MTUS2: variants seen among roughly 807,000 people sequenced by gnomAD.
MTUS2 encodes the protein microtubule associated scaffold protein 2, also known as microtubule-associated tumor suppressor candidate 2.
A neutral mutation model predicts 114.1 loss-of-function variants in MTUS2; 40 were observed. The observed-to-expected ratio is 0.35, with a 90% CI of 0.27 to 0.46. The LOEUF is 0.46. Ranked by LOEUF, MTUS2 falls within the 20% of genes least tolerant of loss-of-function variation. The pLI, the probability that MTUS2 is intolerant of heterozygous loss-of-function variation, is 1.00. For missense variants in MTUS2, 1,679 were observed against 1,705.4 expected, an observed-to-expected ratio of 0.98 and a Z score of 0.27; for synonymous variants, 688 against 672.0, an observed-to-expected ratio of 1.02 and a Z score of -0.37.
intron 5 of MTUS2, among the ~76,000 whole-genome samples, chr13:29,159,165 T>C (rs1256826744): frequency 5.9e-5 from 9 of 152,236 alleles, no homozygotes; most frequent in Non-Finnish European, 1.2e-4. Context: ...ACATGTGTTA[T>C]GTGTATGTAT....
At chr13:29,021,663 T>C in intron 2 of MTUS2, among the ~76,000 whole-genome samples, 1 of 152,240 alleles carries the variant, frequency 6.6e-6, no homozygotes. Context: ...CTTGCCCTTC[T>C]TGACTTTGCA....
rs1883052599 is a variant in MTUS2, at chr13:29,503,551, G to T, written c.*345G>T. The stretch of plus-strand genomic sequence containing the variant: ...TTGAATAATCATTGTGTACTGCACC[G>T]ATATGTGTGTATATTTAGATATACG... On this transcript the variant is annotated 3_prime_UTR_variant, in exon 16 of 16. Transcript: ENST00000612955. The T allele has an allele frequency of 4.7e-6, 2 of 429,110 alleles. No homozygotes were observed. The highest frequency in any genetic ancestry group is 3.8e-5 in the East Asian group (1 of 26,256). The allele number at this position is 429,110 out of a possible 1,614,324, so 26.6% of individuals were successfully genotyped here.
intron 4 of MTUS2, among the ~76,000 whole-genome samples, chr13:29,050,918 T>C (rs1005671476): frequency 1.3e-5 from 2 of 151,412 alleles, no homozygotes; most frequent in Non-Finnish European, 2.9e-5. Flanking sequence ...GTGGGTGGAG[T>C]AAGTGAGAGG....
chr13:29,217,335 A>G (rs1895721758), intron 5 of MTUS2, among the ~76,000 whole-genome samples: 2 of 152,200 alleles, frequency 1.3e-5, no homozygotes, highest in South Asian at 4.1e-4. Flanking sequence ...CCTAATAACT[A>G]TTACATAGGC....
rs79654912 is a variant in MTUS2 at position 28,973,601 on chromosome 13, C to G, written c.-242-50856C>G. 5.1e-4 allele frequency among the ~76,000 whole-genome samples: 77 copies of G among 152,300 alleles called. 4 individuals carry two copies. In the East Asian group the frequency reaches 9.2e-3, roughly 18 times the overall value. On this transcript the variant is annotated intron_variant, in intron 2 of 15. Coordinates refer to ENST00000612955, the MANE Select transcript of MTUS2 (RefSeq NM_001033602.4). Reference sequence around the variant, plus strand: ...TATTTTACCACATTTTAGCACTAGGCTTTTGTGACAAGGGTTTCTAACTGT... The same window carrying G: ...TATTTTACCACATTTTAGCACTAGGGTTTTGTGACAAGGGTTTCTAACTGT...
intron 2 of MTUS2, among the ~76,000 whole-genome samples, chr13:28,905,126 G>A (rs1593287705): frequency 6.6e-6 from 1 of 151,640 alleles, no homozygotes. Context: ...CTTTGCTGAA[G>A]TTGCCTATCA....
intron 4 of MTUS2, among the ~76,000 whole-genome samples, chr13:29,092,662 C>T (rs1028387375): frequency 4.6e-5 from 7 of 152,112 alleles, no homozygotes; most frequent in African/African-American, 1.7e-4. Context: ...CCAGGCATGG[C>T]CCCGCCAGAC....
At chr13:29,084,906 T>A (rs1203331191) in intron 4 of MTUS2, among the ~76,000 whole-genome samples, 1 of 151,926 alleles carries the variant, frequency 6.6e-6, no homozygotes, top group African/African-American at 2.4e-5. Context: ...ATGGTTTGGA[T>A]GTGTGTCCCT....
intron 8 of MTUS2, among the ~76,000 whole-genome samples, chr13:29,393,573 A>G (rs1451193048): frequency 6.6e-6 from 1 of 152,206 alleles, no homozygotes; most frequent in South Asian, 2.1e-4. Flanking sequence ...CACATGGGGA[A>G]AAGATCACAG....
Position 29,084,792 on chromosome 13 carries a change from T to G in MTUS2, c.2447-15981T>G, listed in dbSNP as rs604547. 5.0e-5 allele frequency among the ~76,000 whole-genome samples: 6 copies of G among 119,094 alleles called. No individual in the cohort carries two copies. In the East Asian group the frequency reaches 1.2e-3, roughly 23 times the overall value. The allele number at this position is 119,094 out of a possible 152,430, so 78.1% of individuals were successfully genotyped here. A position where few individuals can be genotyped will look rare whatever the true frequency, so the allele number is the denominator to read the frequency against. On this transcript the variant is annotated intron_variant, in intron 4 of 15. Transcript: ENST00000612955. The stretch of plus-strand genomic sequence containing the variant: ...ACCTCAGGTGATCCACCCCCCCCCC[T>G]CACCGTTGGCCTTCCAAAGTGCTGG...
At chr13:28,849,560 A>G (rs1226605382) in intron 2 of MTUS2, among the ~76,000 whole-genome samples, 1 of 152,198 alleles carries the variant, frequency 6.6e-6, no homozygotes, top group Non-Finnish European at 1.5e-5. Context: ...TCACAGCAGC[A>G]CTACCTGAGG....
intron 2 of MTUS2, among the ~76,000 whole-genome samples, chr13:28,969,297 A>G (rs1883744113): frequency 6.6e-6 from 1 of 152,108 alleles, no homozygotes; most frequent in African/African-American, 2.4e-5. Context: ...ATAATTATAT[A>G]TATTCATGGG....
intron 2 of MTUS2, among the ~76,000 whole-genome samples, chr13:28,970,046 CG>C (rs1386244533): frequency 1.3e-5 from 2 of 152,144 alleles, no homozygotes; most frequent in African/African-American, 4.8e-5. Flanking sequence ...TCCCAAAGTG[CG>C]GGGATTACAG....
intron 9 of MTUS2, among the ~76,000 whole-genome samples, chr13:29,460,170 C>T (rs1364612446): frequency 3.3e-5 from 5 of 152,180 alleles, no homozygotes; most frequent in African/African-American, 9.7e-5. Context: ...CTCAGAGAAA[C>T]AGTCAATTGA....
intron 3 of MTUS2, among the ~76,000 whole-genome samples, chr13:29,031,414 A>G (rs1886821577): frequency 6.6e-6 from 1 of 151,952 alleles, no homozygotes; most frequent in Non-Finnish European, 1.5e-5. Context: ...CTCTATATAT[A>G]TATATAGAGA....
rs751020009 is a variant in MTUS2 at position 29,071,409 on chromosome 13, A to ATTTTTTTTTTTTT, written c.2447-29342_2447-29330dup. Among the ~76,000 whole-genome samples the ATTTTTTTTTTTTT allele has an allele frequency of 1.1e-3, 49 of 46,140 alleles. 8 individuals carry two copies. The highest frequency in any genetic ancestry group is 0.024 in the Middle Eastern group (1 of 42). 30.3% of individuals were successfully genotyped at this position (46,140 alleles called of 152,430 possible). ...TTTAAAAGATCTCTATGTTGCTTGA[A>ATTTTTTTTTTTTT]TTTTTTTTTTTTTTTTTTTTTTTTT... On this transcript the variant is annotated intron_variant, in intron 4 of 15. Transcript: ENST00000612955.
chr13:29,115,033 C>T (rs79836610), intron 5 of MTUS2, among the ~76,000 whole-genome samples: 2,008 of 152,208 alleles, frequency 0.013, 49 homozygotes, highest in African/African-American at 0.046. Context: ...GCCAGAGCCA[C>T]CTGAATAGAA....
At chr13:29,154,628 T>C (rs550731541) in intron 5 of MTUS2, among the ~76,000 whole-genome samples, 4 of 152,234 alleles carry the variant, frequency 2.6e-5, no homozygotes, top group Non-Finnish European at 5.9e-5. Flanking sequence ...TTGATCCTTC[T>C]GCCAGGAGAA....
chr13:29,001,470 C>T (rs373864995), intron 2 of MTUS2, among the ~76,000 whole-genome samples: 2 of 152,132 alleles, frequency 1.3e-5, no homozygotes, highest in Admixed American at 1.3e-4. Flanking sequence ...GGGGTGACTC[C>T]AGGCTGTTTG....
Sources: allele counts gnomAD v4.1 joint callset (sites outside exome capture counted in the v4.1 genomes callset), GRCh38; gene constraint gnomAD v4.1.1; transcripts MANE v1.5; gene names NCBI Gene and HGNC (gene_info 2026-07-23, HGNC 2026-07-21).